KRT86: variants seen among roughly 807,000 people sequenced by gnomAD.
The protein encoded by KRT86 is keratin 86.
KRT86 carries 30 observed loss-of-function variants against 41.2 expected under a neutral mutation model. The observed-to-expected ratio is 0.73, with a 90% CI of 0.54 to 0.99. KRT86 has a LOEUF of 0.99. Ranked by LOEUF, KRT86 falls within the 50% of genes least tolerant of loss-of-function variation. The probability of loss-of-function intolerance (pLI) is 0.00; values close to 1 mark genes in which losing one functional copy is unlikely to be tolerated. For synonymous variants in KRT86, 238 were observed against 238.1 expected (o/e 1.00, Z 0.00); for missense variants, 561 against 571.4 (o/e 0.98, Z 0.19).
At position 52,308,468 on chromosome 12, in the gene KRT86, T is replaced by C. The variant is rs1180804981; in HGVS notation, c.1344T>C (p.Val448=). The change falls in exon 11 of 11, where the codon GTT becomes GTC. Residue 448 remains valine, a synonymous_variant. Coordinates refer to ENST00000423955, the MANE Select transcript of KRT86 (RefSeq NM_001320198.2). ...GDLCASTTAP[V]VSTRVSSVPS... The stretch of plus-strand genomic sequence containing the variant: ...TCTGCGCCTCCACTACTGCCCCTGT[T>C]GTCTCCACCAGAGTCAGTAGCGTCC... 1.9e-6 allele frequency: 3 copies of C among 1,611,428 alleles called. No homozygotes were observed. The highest frequency in any genetic ancestry group is 1.7e-5 in the Admixed American group (1 of 60,026).
intron 2 of KRT86, among the ~76,000 whole-genome samples, chr12:52,299,791 T>C (rs148803733): frequency 5.3e-5 from 8 of 152,370 alleles, no homozygotes; most frequent in African/African-American, 1.9e-4. Context: ...ATCAGATTAT[T>C]TGGTTTACTT....
At chr12:52,297,010 C>G (rs533819592) in intron 2 of KRT86, among the ~76,000 whole-genome samples, 1 of 152,248 alleles carries the variant, frequency 6.6e-6, no homozygotes, top group African/African-American at 2.4e-5. Flanking sequence ...GTCACAGTAT[C>G]TCATGATCCT....
Position 52,308,627 on chromosome 12 carries a change from AC to A in KRT86, c.*45del. The A allele has an allele frequency of 6.4e-7, 1 of 1,568,670 alleles. No homozygotes were observed. The highest frequency in any genetic ancestry group is 8.6e-7 in the Non-Finnish European group (1 of 1,161,954). On this transcript the variant is annotated 3_prime_UTR_variant, in exon 11 of 11. Coordinates refer to ENST00000423955, the MANE Select transcript of KRT86 (RefSeq NM_001320198.2). ...CCAGCGCCTGTCGCCGTCACTCTCC[AC>A]CCAGCCAGTACCTCGCGCCACCAGA...
chr12:52,297,053 G>A (rs1490367690), intron 2 of KRT86, among the ~76,000 whole-genome samples: 1 of 152,226 alleles, frequency 6.6e-6, no homozygotes, highest in Non-Finnish European at 1.5e-5. Flanking sequence ...AGGATCACCT[G>A]TTGTCCACCC....
At chr12:52,288,490 C>A (rs1233610591) in intron 2 of KRT86, 3 of 1,612,706 alleles carry the variant, frequency 1.9e-6, no homozygotes, top group South Asian at 2.2e-5. Flanking sequence ...GCTCAAGGAC[C>A]CTGGTGATCC....
At chr12:52,301,588 A>T (rs1460614933) in intron 2 of KRT86, among the ~76,000 whole-genome samples, 1 of 152,156 alleles carries the variant, frequency 6.6e-6, no homozygotes, top group Non-Finnish European at 1.5e-5. Context: ...GTCCAACGTC[A>T]GTTTCCTCAA....
At position 52,301,972 on chromosome 12, in the gene KRT86, G is replaced by A. The variant is rs1383146639; in HGVS notation, c.56G>A (p.Gly19Glu). 4 of 1,613,534 alleles carry A rather than the reference G, an allele frequency of 2.5e-6. No individual in the cohort carries two copies. The highest frequency in any genetic ancestry group is 3.3e-5 in the Admixed American group (2 of 60,016). ...GCCTTCAGCTGCATCTCGGCCTGCG[G>A]GCCCCGGCCCGGCCGCTGCTGCATC... ...GRAFSCISACGPRPGRCCITA... is the reference protein window; with the variant it reads ...GRAFSCISACEPRPGRCCITA... The change falls in exon 3 of 11, where the codon GGG (glycine) becomes GAG (glutamate). Residue 19 changes from glycine (G) to glutamate (E), a missense_variant. This residue lies in a region of KRT86 where 164 missense variants were observed against 172.5 expected (regional missense o/e 0.95). Transcript: ENST00000423955.
chr12:52,286,378 G>A lies in KRT86; in HGVS notation c.-5+10432G>A, dbSNP rs138017582. 220 of 1,555,340 alleles carry A rather than the reference G, an allele frequency of 1.4e-4. No individual in the cohort carries two copies. In the African/African-American group the frequency reaches 2.7e-3, roughly 19 times the overall value. ...ATTGGCCGCAGGGCGCACACAGGCC[G>A]GTGCTCACCGCCACGTTCCCGTTGC... On this transcript the variant is annotated intron_variant, in intron 2 of 10. Coordinates refer to ENST00000423955, the MANE Select transcript of KRT86 (RefSeq NM_001320198.2).
chr12:52,309,021 G>A lies in KRT86; in HGVS notation c.*436G>A. 5.0e-6 allele frequency: 1 copy of A among 198,154 alleles called. No homozygotes were observed. Among genetic ancestry groups the A allele is most frequent in the South Asian group, 1.0e-4 (1 of 9,926 alleles). The allele number at this position is 198,154 out of a possible 1,614,324, so 12.3% of individuals were successfully genotyped here. A position where few individuals can be genotyped will look rare whatever the true frequency, so the allele number is the denominator to read the frequency against. On this transcript the variant is annotated 3_prime_UTR_variant, in exon 11 of 11. Coordinates refer to ENST00000423955, the MANE Select transcript of KRT86 (RefSeq NM_001320198.2). ...CTGGATAGTGGTTCTATGACTCTGCGAGGGACAGGCCCACGCGTGTGGGGA... is the reference window on the plus strand; with the variant it reads ...CTGGATAGTGGTTCTATGACTCTGCAAGGGACAGGCCCACGCGTGTGGGGA...
rs1374092580 is a variant in KRT86, at chr12:52,287,805, C to T, written c.-5+11859C>T. 3.1e-6 allele frequency: 5 copies of T among 1,611,928 alleles called. No homozygotes were observed. The African/African-American group carries it at 4.0e-5, about 13-fold the overall frequency. ...ACCACAGATGATTTTGCAGGTTGTA[C>T]AGTGCTCAGCCTGTGCAGCCACACA... On this transcript the variant is annotated intron_variant, in intron 2 of 10. Transcript: ENST00000423955.
intron 2 of KRT86, among the ~76,000 whole-genome samples, chr12:52,296,977 G>A (rs1031959252): frequency 2.6e-5 from 4 of 152,292 alleles, no homozygotes; most frequent in Admixed American, 2.0e-4. Flanking sequence ...TGCCTCAACC[G>A]GCATTCTCCC....
chr12:52,274,861 A>G (rs1181936718), intron 1 of KRT86, 139 bp downstream of exon 1: 1 of 328,406 alleles, frequency 3.0e-6, no homozygotes, highest in Non-Finnish European at 4.4e-6. Context: ...AATTGAGATG[A>G]TGTTTTGAGG....
At chr12:52,287,492 AG>A (rs968093996) in intron 2 of KRT86, 2 of 1,606,120 alleles carry the variant, frequency 1.2e-6, no homozygotes, top group Admixed American at 1.7e-5. Context: ...ACATGGACAA[AG>A]GGGGTGGAGA....
At chr12:52,308,178 AC>A in intron 9 of KRT86, 54 bp from the exon 10 acceptor site, 1 of 1,612,742 alleles carries the variant, frequency 6.2e-7, no homozygotes, top group Non-Finnish European at 8.5e-7. Flanking sequence ...CACTTCAGTC[AC>A]GGGGGCCCGG....
intron 2 of KRT86, 127 bp downstream of exon 2, chr12:52,276,073 G>C (rs939981168): frequency 1.1e-6 from 1 of 939,280 alleles, no homozygotes; most frequent in African/African-American, 1.8e-5. Flanking sequence ...GAATGTCTAA[G>C]CATACAGCAG....
In KRT86 at chr12:52,287,121, G is replaced by A. The variant is rs1298380286; in HGVS notation, c.-5+11175G>A. ...ACCCACCTCTGCTCCTCGCCCTCCA[G>A]CAGGCGCCTGTAGGTGGCGATCTCG... On this transcript the variant is annotated intron_variant, in intron 2 of 10. Transcript: ENST00000423955. 2.5e-6 allele frequency: 4 copies of A among 1,613,158 alleles called. No individual in the cohort carries two copies. In the Middle Eastern group the frequency reaches 5.7e-4, roughly 229 times the overall value.
rs1012819149 is a variant in KRT86, at chr12:52,286,349, T to G, written c.-5+10403T>G. ...GCAGGAACCCCCTCCGCAGGTGGTG[T>G]TCAATTGGCCGCAGGGCGCACACAG... On this transcript the variant is annotated intron_variant, in intron 2 of 10. Coordinates refer to ENST00000423955, the MANE Select transcript of KRT86 (RefSeq NM_001320198.2). 31 of 1,554,968 alleles carry G rather than the reference T, an allele frequency of 2.0e-5. 1 individual carries two copies. The Admixed American group carries it at 2.1e-4, about 11-fold the overall frequency.
chr12:52,278,241 C>T (rs181862361), intron 2 of KRT86, among the ~76,000 whole-genome samples: 1 of 152,284 alleles, frequency 6.6e-6, no homozygotes, highest in African/African-American at 2.4e-5. Flanking sequence ...TAACACCTCA[C>T]AAAACCCTGG....
intron 5 of KRT86, 85 bp from the exon 6 acceptor site, chr12:52,304,847 G>A: frequency 2.1e-6 from 3 of 1,458,246 alleles, no homozygotes; most frequent in Non-Finnish European, 2.9e-6. Context: ...CTTTCCCCAG[G>A]CTTCATGGAA....
Sources: gnomAD v4.1 joint callset for allele counts (sites outside exome capture counted in the v4.1 genomes callset) on GRCh38, gnomAD v4.1.1 for gene constraint, gnomAD v4.1.1 regional missense constraint, MANE v1.5 for transcripts, NCBI Gene and HGNC (gene_info 2026-07-23, HGNC 2026-07-21) for gene names.